CUBN: variants seen among roughly 807,000 people sequenced by gnomAD.
CUBN encodes the protein 460 kDa receptor.
Under a neutral mutation model 405.3 loss-of-function variants are expected in CUBN, and 282 were observed. The observed-to-expected ratio is 0.70, with a 90% CI of 0.63 to 0.77. The LOEUF is 0.77. Among genes scored for constraint, CUBN ranks in the 30% least tolerant of loss-of-function variants. The pLI, the probability that CUBN is intolerant of heterozygous loss-of-function variation, is 0.00. For missense variants in CUBN, 4,514 were observed against 4,475.2 expected (o/e 1.01, Z -0.25); for synonymous variants, 1,684 against 1,617.0 (o/e 1.04, Z -0.99).
In CUBN at chr10:16,900,841, T is replaced by G; in HGVS notation, c.8194A>C (p.Ser2732Arg). Reference sequence around the variant, plus strand: ...GTATGGGGTTCAATATCAAAGTCACTAAATGTGAGCTGCAGGAGAAAAAAG... The same window carrying G: ...GTATGGGGTTCAATATCAAAGTCACGAAATGTGAGCTGCAGGAGAAAAAAG... ...PQGHTITLTFSDFDIEPHTTC... is the reference protein window; with the variant it reads ...PQGHTITLTFRDFDIEPHTTC... Residue 2732 changes from serine (S) to arginine (R), a missense_variant, in exon 53 of 67, where the codon AGT (serine) becomes CGT (arginine). Transcript: ENST00000377833. The G allele has an allele frequency of 6.2e-7, 1 of 1,612,238 alleles. No individual in the cohort carries two copies. The highest frequency in any genetic ancestry group is 8.5e-7 in the Non-Finnish European group (1 of 1,178,726).
chr10:17,114,331 C>T (rs1836839125), intron 7 of CUBN, 142 bp from the exon 8 acceptor site: 4 of 834,282 alleles, frequency 4.8e-6, no homozygotes, highest in Non-Finnish European at 8.0e-6. Flanking sequence ...CTTTTTCTTC[C>T]CATATGATTA....
At chr10:16,848,723 A>C (rs756717785) in intron 60 of CUBN, among the ~76,000 whole-genome samples, 24 of 62,440 alleles carry the variant, frequency 3.8e-4, no homozygotes, top group Non-Finnish European at 7.8e-4. Flanking sequence ...TTTTTTGGCG[A>C]AAGTATCTCA....
chr10:17,070,407 C>T (rs2172081), intron 19 of CUBN, among the ~76,000 whole-genome samples: 44,426 of 151,778 alleles, frequency 0.29, 7,625 homozygotes, highest in African/African-American at 0.47. Flanking sequence ...TAAAAGAGCC[C>T]GCTGTGATTT....
rs564692355 is a variant in CUBN, at chr10:16,853,707, G to C, written c.9455-2264C>G. On this transcript the variant is annotated intron_variant, in intron 59 of 66. Transcript: ENST00000377833. ...TTCTGAAACGTAAGCAATACGCAGT[G>C]CTTCACCACATGTTGCTAATGATTC... Among the ~76,000 whole-genome samples the C allele has an allele frequency of 4.2e-4, 64 of 152,310 alleles. No homozygotes were observed. The South Asian group carries it at 6.8e-3, about 16-fold the overall frequency.
chr10:16,925,420 C>A lies in CUBN; in HGVS notation c.6467G>T (p.Arg2156Ile), dbSNP rs201411796. 6.1e-5 allele frequency: 98 copies of A among 1,613,712 alleles called. 1 individual carries two copies. The highest frequency in any genetic ancestry group is 2.8e-5 in the Non-Finnish European group (33 of 1,179,820). ...TGGAGAACAGATATCAGGACCATTTCTTAGCTGGAAAGACAAATTAAAATT... is the reference window on the plus strand; with the variant it reads ...TGGAGAACAGATATCAGGACCATTTATTAGCTGGAAAGACAAATTAAAATT... Reference protein sequence around the residue: ...SCNQGDYLVLRNGPDICSPPL... With the variant: ...SCNQGDYLVLINGPDICSPPL... The change falls in exon 43 of 67, where the codon AGA becomes ATA. Residue 2156 changes from arginine to isoleucine, a missense_variant. Physicochemically the swap from Arg to Ile is moderately conservative, Grantham distance 97 (BLOSUM62 -3). Transcript: ENST00000377833.
At chr10:17,038,086 G>A (rs1013076156) in intron 27 of CUBN, among the ~76,000 whole-genome samples, 6 of 151,846 alleles carry the variant, frequency 4.0e-5, no homozygotes, top group African/African-American at 1.5e-4. Flanking sequence ...TTATAGGCCT[G>A]AGCCACCGTG....
At chr10:16,832,258 G>T (rs755039359) in intron 64 of CUBN, among the ~76,000 whole-genome samples, 1 of 152,114 alleles carries the variant, frequency 6.6e-6, no homozygotes, top group African/African-American at 2.4e-5. Flanking sequence ...CCTGACATGC[G>T]GAAATGCTGA....
At chr10:16,922,094 G>A (rs72773209) in intron 43 of CUBN, among the ~76,000 whole-genome samples, 8,405 of 151,850 alleles carry the variant, frequency 0.055, 348 homozygotes, top group Non-Finnish European at 0.087. Flanking sequence ...CTTATTTATT[G>A]TCTGCATCTT....
intron 29 of CUBN, among the ~76,000 whole-genome samples, chr10:16,985,860 T>C (rs1250876018): frequency 1.3e-5 from 2 of 152,246 alleles, no homozygotes; most frequent in African/African-American, 4.8e-5. Flanking sequence ...AAACTGTCTG[T>C]CTGACTGGAA....
rs374666553 is a variant in CUBN at position 17,126,135 on chromosome 10, A to G, written c.387+626T>C. Among the ~76,000 whole-genome samples, 37 of 152,328 alleles carry G rather than the reference A, an allele frequency of 2.4e-4. 1 individual carries two copies. The highest frequency in any genetic ancestry group is 3.4e-3 in the Middle Eastern group (1 of 294). On this transcript the variant is annotated intron_variant, in intron 4 of 66. Coordinates refer to ENST00000377833, the MANE Select transcript of CUBN (RefSeq NM_001081.4). ...CTTACACTGGAATCCCCAGATTTTT[A>G]TGCAAAATTTTAAACATGAAGAGAT...
intron 27 of CUBN, among the ~76,000 whole-genome samples, chr10:17,037,942 C>CTTT (rs397846881): frequency 7.0e-6 from 1 of 142,928 alleles, no homozygotes; most frequent in Admixed American, 7.0e-5. Flanking sequence ...ACACAGTCAC[C>CTTT]TTTTTTTTTT....
At chr10:17,024,566 T>G (rs1588592257) in intron 27 of CUBN, among the ~76,000 whole-genome samples, 1 of 152,122 alleles carries the variant, frequency 6.6e-6, no homozygotes. Flanking sequence ...AGTGCAGTGG[T>G]GCAATAAGGT....
intron 6 of CUBN, 129 bp from the exon 7 acceptor site, chr10:17,115,726 T>C: frequency 1.7e-6 from 2 of 1,174,010 alleles, no homozygotes; most frequent in Non-Finnish European, 2.5e-6. Flanking sequence ...CAGCCAGCAA[T>C]GCAAATTTAC....
chr10:16,961,260 G>A (rs956636759), intron 31 of CUBN, among the ~76,000 whole-genome samples: 1 of 152,088 alleles, frequency 6.6e-6, no homozygotes. Context: ...TTTGTAGAGA[G>A]GGGATTTTGC....
intron 4 of CUBN, among the ~76,000 whole-genome samples, chr10:17,126,492 T>C (rs1232895304): frequency 2.0e-5 from 3 of 152,122 alleles, no homozygotes; most frequent in African/African-American, 7.2e-5. Flanking sequence ...TAAAGGGTGA[T>C]GGTAAAGGAT....
intron 58 of CUBN, among the ~76,000 whole-genome samples, chr10:16,871,135 C>A (rs2131369846): frequency 6.6e-6 from 1 of 151,876 alleles, no homozygotes; most frequent in South Asian, 2.1e-4. Flanking sequence ...TCAAGTGATT[C>A]TCTTGCCTCA....
chr10:17,070,599 T>A (rs1835718684), intron 19 of CUBN, among the ~76,000 whole-genome samples: 1 of 152,202 alleles, frequency 6.6e-6, no homozygotes, highest in Admixed American at 6.5e-5. Context: ...ACTGTATTCC[T>A]TCATGTTTAT....
chr10:16,870,717 CACTGA>C (rs892817266), intron 58 of CUBN, among the ~76,000 whole-genome samples: 2 of 152,192 alleles, frequency 1.3e-5, no homozygotes, highest in African/African-American at 4.8e-5. Flanking sequence ...TGCCAGGCCA[CACTGA>C]ACATGCTCAT....
At chr10:16,825,896 A>G (rs1838762704) in intron 66 of CUBN, among the ~76,000 whole-genome samples, 1 of 139,978 alleles carries the variant, frequency 7.1e-6, no homozygotes, top group Admixed American at 7.5e-5. Context: ...CACTTACTCA[A>G]GTGAGTGTAG....
Sources: allele counts gnomAD v4.1 joint callset (sites outside exome capture counted in the v4.1 genomes callset), GRCh38; gene constraint gnomAD v4.1.1; transcripts MANE v1.5; gene names NCBI Gene and HGNC (gene_info 2026-07-23, HGNC 2026-07-21).